Variants in POLR3C observed in about 807,000 individuals in gnomAD.
POLR3C encodes the protein DNA-directed RNA polymerase III subunit RPC3.
A neutral mutation model predicts 65.9 loss-of-function variants in POLR3C; 44 were observed. The observed-to-expected ratio is 0.67, with a 90% CI of 0.52 to 0.86. POLR3C has a LOEUF of 0.86. Ranked by LOEUF, POLR3C falls within the 40% of genes least tolerant of loss-of-function variation. The pLI, the probability that POLR3C is intolerant of heterozygous loss-of-function variation, is 0.00. For synonymous variants in POLR3C, 263 were observed against 231.6 expected (o/e 1.14, Z -1.23); for missense variants, 576 against 653.2 (o/e 0.88, Z 1.29).
chr1:145,825,314 T>G (rs1650634050), intron 1 of POLR3C, among the ~76,000 whole-genome samples: 1 of 152,142 alleles, frequency 6.6e-6, no homozygotes. Flanking sequence ...GGTTTCACTA[T>G]ATTGGCCAGG....
At position 145,833,631 on chromosome 1, in the gene POLR3C, A is replaced by G. The variant is rs782625823; in HGVS notation, c.876+49A>G. On this transcript the variant is annotated intron_variant, in intron 7 of 14. Coordinates refer to ENST00000334163, the MANE Select transcript of POLR3C (RefSeq NM_006468.8). ...ACTTTCTGACAGATTCTTGGGTGTT[A>G]TCAACGTTTATTATACACAGATCCT... 2.5e-6 allele frequency: 3 copies of G among 1,209,096 alleles called. No individual in the cohort carries two copies. In the South Asian group the frequency reaches 3.6e-5, roughly 15 times the overall value. The allele number at this position is 1,209,096 out of a possible 1,614,324, so 74.9% of individuals were successfully genotyped here.
chr1:145,836,595 T>C (rs782550501), intron 8 of POLR3C, 21 bp downstream of exon 8: 6 of 1,419,806 alleles, frequency 4.2e-6, no homozygotes, highest in South Asian at 1.1e-5. Context: ...TTTTGCTTTT[T>C]TTCTTTTTTC....
At chr1:145,828,095 A>C (rs1553726280) in intron 4 of POLR3C, among the ~76,000 whole-genome samples, 1 of 152,228 alleles carries the variant, frequency 6.6e-6, no homozygotes, top group Non-Finnish European at 1.5e-5. Flanking sequence ...ATGTAGTAAA[A>C]AAATAGCATT....
intron 1 of POLR3C, among the ~76,000 whole-genome samples, chr1:145,825,471 G>C (rs1265950314): frequency 1.3e-5 from 2 of 152,180 alleles, no homozygotes; most frequent in African/African-American, 4.8e-5. Flanking sequence ...TGTTGGTGTA[G>C]TATGCCATTG....
chr1:145,828,411 A>G (rs1184250993), intron 4 of POLR3C, among the ~76,000 whole-genome samples: 1 of 152,042 alleles, frequency 6.6e-6, no homozygotes, highest in Admixed American at 6.6e-5. Context: ...GCAAAGGTAA[A>G]TGTTGACAGA....
rs1553728711 is a variant in POLR3C at position 145,836,558 on chromosome 1, T to G, written c.941T>G (p.Leu314Arg). 4.4e-6 allele frequency: 7 copies of G among 1,602,062 alleles called. No homozygotes were observed. Among genetic ancestry groups the G allele is most frequent in the Non-Finnish European group, 6.0e-6 (7 of 1,169,060 alleles). Residue 314 changes from leucine (L) to arginine (R), a missense_variant, in exon 8 of 15, where the codon CTG (leucine) becomes CGG (arginine). Physicochemically the swap from Leu to Arg is moderately radical, Grantham distance 102 (BLOSUM62 -2). Transcript: ENST00000334163. ...SKQVLDQYLT[L>R]LADDPLEFVG... ...CAAGTTCTTGATCAGTATCTCACTC[T>G]GCTGGCAGATGATCCAGTAAGTCTG... is the stretch of plus-strand genomic sequence containing the variant.
intron 2 of POLR3C, 60 bp downstream of exon 2, chr1:145,825,983 T>G (rs1472033023): frequency 7.4e-7 from 1 of 1,343,052 alleles, no homozygotes; most frequent in East Asian, 2.3e-5. Context: ...TCACCCACCT[T>G]TGAATATTGT....
chr1:145,842,366 C>A lies in POLR3C; in HGVS notation c.1551C>A (p.Asp517Glu), dbSNP rs781950704. ...TGGATGCCAGTGAGATCCAGGTGGA[C>A]GAAACCATCTTCCTGCTGGAGTCTT... is the stretch of plus-strand genomic sequence containing the variant. ...NKLDASEIQV[D>E]ETIFLLESYI... Residue 517 changes from aspartate to glutamate, a missense_variant, in exon 15 of 15, where the codon GAC becomes GAA. By Grantham distance (45) the Asp-to-Glu change is conservative (BLOSUM62 2). Transcript: ENST00000334163. 11 of 1,611,042 alleles carry A rather than the reference C, an allele frequency of 6.8e-6. No homozygotes were observed. The highest frequency in any genetic ancestry group is 8.5e-6 in the Non-Finnish European group (10 of 1,177,940).
At chr1:145,842,233 T>G in intron 14 of POLR3C, 106 bp from the exon 15 acceptor site, 1 of 679,100 alleles carries the variant, frequency 1.5e-6, no homozygotes, top group South Asian at 1.8e-5. Context: ...CCATCCACTC[T>G]CAAGGGTAAC....
intron 7 of POLR3C, 133 bp from the exon 8 acceptor site, chr1:145,836,361 C>T (rs2101651058): frequency 1.5e-6 from 1 of 654,052 alleles, no homozygotes. Flanking sequence ...CCAAAGTGAT[C>T]CACCTGCCTC....
chr1:145,826,453 G>A lies in POLR3C; in HGVS notation c.148-1G>A. ...CTTTCTTCTCTTTATGTTCCATTTAGGTGAAGAAAGCCCTGTGTGTCCTCG... is the reference window on the plus strand; with the variant it reads ...CTTTCTTCTCTTTATGTTCCATTTAAGTGAAGAAAGCCCTGTGTGTCCTCG... On this transcript the variant is annotated splice_acceptor_variant, in intron 2 of 14. Coordinates refer to ENST00000334163, the MANE Select transcript of POLR3C (RefSeq NM_006468.8). LOFTEE classifies it high-confidence loss of function. The A allele has an allele frequency of 6.2e-7, 1 of 1,612,730 alleles. No homozygotes were observed. Among genetic ancestry groups the A allele is most frequent in the Non-Finnish European group, 8.5e-7 (1 of 1,179,202 alleles).
chr1:145,840,890 G>A (rs11589437), intron 13 of POLR3C, 32 bp from the exon 14 acceptor site: 49,364 of 1,590,692 alleles, frequency 0.031, 928 homozygotes, highest in Non-Finnish European at 0.036. Flanking sequence ...CCAGGTTAGG[G>A]AAGATGTCTC....
At chr1:145,830,907 C>T (rs1209655688) in intron 5 of POLR3C, among the ~76,000 whole-genome samples, 1 of 151,590 alleles carries the variant, frequency 6.6e-6, no homozygotes, top group African/African-American at 2.4e-5. Flanking sequence ...AGTTTGAGAC[C>T]AGCCTGGACA....
intron 5 of POLR3C, among the ~76,000 whole-genome samples, 197 bp downstream of exon 5, chr1:145,829,034 T>C (rs1651067821): frequency 1.3e-5 from 2 of 152,180 alleles, no homozygotes; most frequent in South Asian, 4.1e-4. Flanking sequence ...AATTCTTTCA[T>C]TGAACAGAGG....
chr1:145,838,348 C>A, intron 11 of POLR3C, 142 bp downstream of exon 11: 2 of 724,752 alleles, frequency 2.8e-6, no homozygotes, highest in Non-Finnish European at 4.7e-6. Flanking sequence ...AGAGACATAG[C>A]GAGCACTTGG....
intron 5 of POLR3C, among the ~76,000 whole-genome samples, chr1:145,830,950 A>T (rs895368394): frequency 9.9e-5 from 15 of 151,960 alleles, no homozygotes; most frequent in African/African-American, 3.6e-4. Flanking sequence ...CCAAAAAAAA[A>T]AACACCAGAC....
intron 1 of POLR3C, among the ~76,000 whole-genome samples, chr1:145,825,035 T>C (rs587668762): frequency 5.3e-5 from 8 of 152,302 alleles, no homozygotes; most frequent in African/African-American, 1.9e-4. Context: ...ATTTTTCCTT[T>C]TTTTTTACAA....
intron 10 of POLR3C, 100 bp from the exon 11 acceptor site, chr1:145,837,956 A>G (rs1651984938): frequency 4.7e-6 from 5 of 1,056,644 alleles, no homozygotes; most frequent in Admixed American, 2.0e-5. Flanking sequence ...CCTGTCTGGT[A>G]CTGGCTTCAC....
intron 4 of POLR3C, 141 bp from the exon 5 acceptor site, chr1:145,828,608 A>T (rs587670154): frequency 1.6e-6 from 1 of 624,892 alleles, no homozygotes; most frequent in East Asian, 2.6e-5. Flanking sequence ...TGAGTTTCTT[A>T]TAGCTCTTCA....
Sources: gnomAD v4.1 joint callset for allele counts (sites outside exome capture counted in the v4.1 genomes callset) on GRCh38, gnomAD v4.1.1 for gene constraint, MANE v1.5 for transcripts, NCBI Gene and HGNC (gene_info 2026-07-23, HGNC 2026-07-21) for gene names.